Variants in ACAD10 observed in about 807,000 individuals in gnomAD.
The protein encoded by ACAD10 is ACAD-10.
A neutral mutation model predicts 116.8 loss-of-function variants in ACAD10; 112 were observed. That is an observed-to-expected ratio of 0.96 (90% CI 0.82 to 1.12). The LOEUF (loss-of-function observed/expected upper bound fraction) is 1.12. Among genes scored for constraint, ACAD10 ranks in the 50% most tolerant of loss-of-function variants. ACAD10 has a pLI of 0.00. For synonymous variants in ACAD10, 486 were observed against 510.6 expected (o/e 0.95, Z 0.65); for missense variants, 1,259 against 1,350.2 (o/e 0.93, Z 1.06).
rs35753710 is a variant in ACAD10 at position 111,709,640 on chromosome 12, A to C, written c.646A>C (p.Thr216Pro). The stretch of plus-strand genomic sequence containing the variant: ...GTCCATCTTTCTTGATGACCTTGGA[A>C]CAAATCTAAAAGAAGCTGCCAGACT... ...SESIFLDDLG[T>P]NLKEAARLGI... The change falls in exon 5 of 21, where the codon ACA becomes CCA. Residue 216 changes from threonine to proline, a missense_variant. By Grantham distance (38) the Thr-to-Pro change is conservative (BLOSUM62 -1). Coordinates refer to ENST00000313698, the MANE Select transcript of ACAD10 (RefSeq NM_025247.6). The C allele has an allele frequency of 2.9e-3, 4,735 of 1,613,926 alleles. 126 individuals are homozygous for C. In the African/African-American group the frequency reaches 0.054, roughly 18 times the overall value.
intron 9 of ACAD10, 88 bp downstream of exon 9, chr12:111,728,231 G>A (rs1172431870): frequency 1.5e-6 from 2 of 1,333,268 alleles, no homozygotes; most frequent in East Asian, 2.4e-5. Flanking sequence ...GTCGTTTTGA[G>A]TATTAGCACA....
chr12:111,746,328 T>C (rs1889899187), intron 14 of ACAD10, 44 bp downstream of exon 14: 6 of 1,582,506 alleles, frequency 3.8e-6, no homozygotes, highest in Non-Finnish European at 5.1e-6. Context: ...AACATCCTGA[T>C]CTTCATAAGA....
chr12:111,710,458 A>G, intron 5 of ACAD10: 1 of 270,048 alleles, frequency 3.7e-6, no homozygotes, highest in South Asian at 2.9e-5. Context: ...ACGTTGTAAC[A>G]TAATCTTCTT....
At chr12:111,695,705 G>T (rs1028787243) in intron 2 of ACAD10, among the ~76,000 whole-genome samples, 2 of 152,038 alleles carry the variant, frequency 1.3e-5, no homozygotes, top group Non-Finnish European at 2.9e-5. Context: ...CATATCAAGG[G>T]TCATTTGATA....
At chr12:111,746,977 G>T in intron 14 of ACAD10, 72 bp from the exon 15 acceptor site, 1 of 1,505,830 alleles carries the variant, frequency 6.6e-7, no homozygotes, top group Non-Finnish European at 8.9e-7. Flanking sequence ...TCCAGCCTGG[G>T]TGACAGAGCT....
chr12:111,689,866 C>T lies in ACAD10; in HGVS notation c.-13-2831C>T, dbSNP rs148173673. 2.2e-3 allele frequency among the ~76,000 whole-genome samples: 330 copies of T among 152,202 alleles called. 2 individuals carry two copies. Among genetic ancestry groups the T allele is most frequent in the African/African-American group, 7.5e-3 (311 of 41,514 alleles). ...GAGTAGCTGGGACTACAGGTGCCCA[C>T]CACCACGCCCGGCTAATTTTTTGTA... On this transcript the variant is annotated intron_variant, in intron 1 of 20. Coordinates refer to ENST00000313698, the MANE Select transcript of ACAD10 (RefSeq NM_025247.6).
At chr12:111,707,445 G>A (rs1339114788) in intron 4 of ACAD10, among the ~76,000 whole-genome samples, 1 of 152,156 alleles carries the variant, frequency 6.6e-6, no homozygotes, top group African/African-American at 2.4e-5. Flanking sequence ...ACCAACAGCA[G>A]TGATAATTCC....
At chr12:111,746,654 C>T (rs1889908454) in intron 14 of ACAD10, among the ~76,000 whole-genome samples, 1 of 152,144 alleles carries the variant, frequency 6.6e-6, no homozygotes, top group South Asian at 2.1e-4. Flanking sequence ...CCACAAAGTG[C>T]TGGGATTACA....
chr12:111,687,599 G>T (rs1335754687), intron 1 of ACAD10, among the ~76,000 whole-genome samples: 1 of 152,184 alleles, frequency 6.6e-6, no homozygotes, highest in Non-Finnish European at 1.5e-5. Flanking sequence ...GAGACCTCTT[G>T]TGAACTTTTT....
At chr12:111,728,437 C>T (rs1458970634) in intron 9 of ACAD10, among the ~76,000 whole-genome samples, 1 of 151,452 alleles carries the variant, frequency 6.6e-6, no homozygotes, top group Admixed American at 6.6e-5. Flanking sequence ...CAACTTTTAT[C>T]TCACTAGACC....
chr12:111,745,685 C>T (rs1419993662), intron 13 of ACAD10: 5 of 156,768 alleles, frequency 3.2e-5, no homozygotes, highest in Admixed American at 6.4e-5. Context: ...ATTATAGGCA[C>T]GTGCCACCAT....
chr12:111,748,439 C>T lies in ACAD10; in HGVS notation c.2608C>T (p.Arg870Trp), dbSNP rs768303210. ...PMDTPGIKIIRPLTVYGLEDA... is the reference protein window; with the variant it reads ...PMDTPGIKIIWPLTVYGLEDA... ...GGATACCCCAGGGATAAAAATCATC[C>T]GGCCTCTGACGGTGTATGGACTGGA... The change falls in exon 17 of 21, where the codon CGG (arginine) becomes TGG (tryptophan). Residue 870 changes from arginine to tryptophan, a missense_variant. Transcript: ENST00000313698. The T allele has an allele frequency of 1.5e-5, 25 of 1,613,744 alleles. No homozygotes were observed. The highest frequency in any genetic ancestry group is 6.6e-5 in the South Asian group (6 of 91,074).
At chr12:111,744,191 G>A (rs1889824950) in intron 12 of ACAD10, among the ~76,000 whole-genome samples, 1 of 152,180 alleles carries the variant, frequency 6.6e-6, no homozygotes, top group Non-Finnish European at 1.5e-5. Flanking sequence ...GTGGTGTCTA[G>A]AAGTTGGCTC....
chr12:111,705,676 TGGCCA>T, intron 3 of ACAD10, 57 bp from the exon 4 acceptor site: 1 of 1,463,266 alleles, frequency 6.8e-7, no homozygotes, highest in Non-Finnish European at 9.3e-7. Context: ...TTTTTTCTGT[TGGCCA>T]TGAGTGTTTG....
intron 12 of ACAD10, among the ~76,000 whole-genome samples, chr12:111,739,404 C>G (rs1889666191): frequency 6.6e-6 from 1 of 152,160 alleles, no homozygotes; most frequent in African/African-American, 2.4e-5. Context: ...TCTTCAAACA[C>G]TTACATTTCA....
chr12:111,713,470 C>A (rs1009615506), intron 6 of ACAD10, among the ~76,000 whole-genome samples: 40 of 151,694 alleles, frequency 2.6e-4, no homozygotes, highest in African/African-American at 9.0e-4. Context: ...ACTAAAAATA[C>A]AAAAATTAGC....
At chr12:111,697,362 CT>C (rs1160985539) in intron 2 of ACAD10, among the ~76,000 whole-genome samples, 2,708 of 135,306 alleles carry the variant, frequency 0.02, 54 homozygotes, top group African/African-American at 0.058. Flanking sequence ...TTTTCTTTTC[CT>C]TTTTTTTTTT....
In ACAD10 at chr12:111,737,935, C is replaced by A. The variant is rs545136031; in HGVS notation, c.1714+931C>A. ...TGGTGCGATCTTGGTTCACTGCAAC[C>A]TCCACCTCACCAGCTCAAGCAATTC... On this transcript the variant is annotated intron_variant, in intron 12 of 20. Transcript: ENST00000313698. 5.5e-4 allele frequency among the ~76,000 whole-genome samples: 83 copies of A among 152,154 alleles called. 1 individual carries two copies. Among genetic ancestry groups the A allele is most frequent in the Non-Finnish European group, 1.0e-3 (69 of 68,022 alleles).
intron 2 of ACAD10, 75 bp downstream of exon 2, chr12:111,692,971 A>AG: frequency 1.3e-6 from 2 of 1,525,708 alleles, no homozygotes; most frequent in Non-Finnish European, 1.8e-6. Context: ...GGGAAGGCAG[A>AG]GGGGAACACT....
Sources: gnomAD v4.1 joint callset for allele counts (sites outside exome capture counted in the v4.1 genomes callset) on GRCh38, gnomAD v4.1.1 for gene constraint, MANE v1.5 for transcripts, NCBI Gene and HGNC (gene_info 2026-07-23, HGNC 2026-07-21) for gene names.